Variants in ZC3H12B observed in about 807,000 individuals in gnomAD.
ZC3H12B encodes zinc finger CCCH-type containing 12B, also known as probable ribonuclease ZC3H12B.
ZC3H12B carries 7 observed loss-of-function variants against 43.9 expected under a neutral mutation model. The ratio of observed to expected loss-of-function variants is 0.16; its 90% CI spans 0.09 to 0.30. The LOEUF (loss-of-function observed/expected upper bound fraction) is 0.30, where lower values mean the gene tolerates loss of function less well. Among genes scored for constraint, ZC3H12B ranks in the 10% least tolerant of loss-of-function variants. The pLI is 1.00. For missense variants in ZC3H12B, 475 were observed against 670.2 expected, an observed-to-expected ratio of 0.71 and a Z score of 3.22; for synonymous variants, 222 against 241.7, an observed-to-expected ratio of 0.92 and a Z score of 0.76.
At chrX:65,313,204 A>G in the ZC3H12B span, among the ~76,000 whole-genome samples, 1 of 111,945 alleles carries the variant, frequency 8.9e-6, no homozygotes. Flanking sequence ...TTTAACATGA[A>G]TTTTGAGGGG....
the ZC3H12B span, among the ~76,000 whole-genome samples, chrX:65,311,141 C>T: frequency 8.9e-6 from 1 of 112,017 alleles, no homozygotes; most frequent in African/African-American, 3.2e-5. Flanking sequence ...CCAAAATAGA[C>T]AAGTGGGATC....
the ZC3H12B span, among the ~76,000 whole-genome samples, chrX:65,136,254 C>T: frequency 9.0e-6 from 1 of 111,701 alleles, no homozygotes; most frequent in East Asian, 2.8e-4. Flanking sequence ...AGGTTTCTCA[C>T]TGAGCCTCTG....
At chrX:65,239,940 C>T in the ZC3H12B span, among the ~76,000 whole-genome samples, 1 of 111,375 alleles carries the variant, frequency 9.0e-6, no homozygotes, top group Middle Eastern at 4.2e-3. Context: ...CCACTGAGAG[C>T]TCTGCTGTTA....
chrX:65,311,121 G>A, the ZC3H12B span, among the ~76,000 whole-genome samples: 11,975 of 111,613 alleles, frequency 0.11, 1,520 homozygotes, highest in African/African-American at 0.36. Context: ...AAAAGCAATG[G>A]CAACAAAGGC....
the ZC3H12B span, among the ~76,000 whole-genome samples, chrX:65,273,890 G>A: frequency 8.9e-6 from 1 of 112,517 alleles, no homozygotes; most frequent in Non-Finnish European, 1.9e-5. Flanking sequence ...ACATCTTCAA[G>A]ATGGCTGACT....
intron 3 of ZC3H12B, among the ~76,000 whole-genome samples, chrX:65,454,108 G>A (rs2067566047): frequency 8.9e-6 from 1 of 112,650 alleles, no homozygotes; most frequent in African/African-American, 3.2e-5. Flanking sequence ...TGAGGTACCA[G>A]GTGCATCTCA....
intron 3 of ZC3H12B, among the ~76,000 whole-genome samples, chrX:65,458,486 G>C (rs2067671218): frequency 9.0e-6 from 1 of 111,655 alleles, no homozygotes; most frequent in Non-Finnish European, 1.9e-5. Context: ...AAATCTAAAA[G>C]AACAGGAATC....
chrX:65,454,781 T>A (rs1438158534), intron 3 of ZC3H12B, among the ~76,000 whole-genome samples: 1 of 111,455 alleles, frequency 9.0e-6, no homozygotes, highest in African/African-American at 3.3e-5. Context: ...GAGACAAAAC[T>A]TCCAGAGGAA....
the ZC3H12B span, among the ~76,000 whole-genome samples, chrX:65,163,098 G>A: frequency 1.8e-5 from 2 of 110,986 alleles, no homozygotes; most frequent in Admixed American, 9.6e-5. Flanking sequence ...TGTGAACCGT[G>A]AATGCTGCTG....
At chrX:65,122,579 G>A in the ZC3H12B span, among the ~76,000 whole-genome samples, 18 of 111,282 alleles carry the variant, frequency 1.6e-4, no homozygotes, top group African/African-American at 5.9e-4. Flanking sequence ...AATTAAAAGA[G>A]ACAGACTGGC....
the ZC3H12B span, among the ~76,000 whole-genome samples, chrX:65,311,749 G>A: frequency 9.0e-6 from 1 of 111,695 alleles, no homozygotes; most frequent in Non-Finnish European, 1.9e-5. Context: ...CAACCCAAAT[G>A]TCCATCAATG....
chrX:65,058,528 C>A, the ZC3H12B span, among the ~76,000 whole-genome samples: 3 of 112,071 alleles, frequency 2.7e-5, no homozygotes, highest in Non-Finnish European at 5.6e-5. Context: ...GAGTTAGGGA[C>A]CCACTTGAGG....
At chrX:65,408,589 T>A in intron 3 of ZC3H12B, 1 of 1,153,632 alleles carries the variant, frequency 8.7e-7, no homozygotes, top group Non-Finnish European at 1.2e-6. Flanking sequence ...CACTGTCTAG[T>A]GCTCTGAGTG....
chrX:65,151,667 G>C, the ZC3H12B span, among the ~76,000 whole-genome samples: 15 of 111,452 alleles, frequency 1.3e-4, no homozygotes, highest in African/African-American at 4.9e-4. Context: ...CGAGGGACTT[G>C]TACCATTCCT....
At chrX:65,435,921 C>T (rs2067216668) in intron 3 of ZC3H12B, among the ~76,000 whole-genome samples, 1 of 112,067 alleles carries the variant, frequency 8.9e-6, no homozygotes, top group Non-Finnish European at 1.9e-5. Flanking sequence ...ATGCAGGTCC[C>T]AGAGGCCAAA....
the ZC3H12B span, among the ~76,000 whole-genome samples, chrX:65,216,475 G>A: frequency 2.7e-5 from 3 of 111,462 alleles, no homozygotes; most frequent in Admixed American, 1.9e-4. Flanking sequence ...AGGAATTTGA[G>A]TCCTAATACC....
At chrX:65,232,568 G>T in the ZC3H12B span, among the ~76,000 whole-genome samples, 1 of 111,130 alleles carries the variant, frequency 9.0e-6, no homozygotes, top group East Asian at 2.8e-4. Context: ...CAAGCCTCAT[G>T]GTATTCACAA....
intron 2 of ZC3H12B, among the ~76,000 whole-genome samples, chrX:65,389,164 G>A (rs1342599296): frequency 8.9e-6 from 1 of 112,064 alleles, no homozygotes; most frequent in Non-Finnish European, 1.9e-5. Flanking sequence ...CTTCAAAGCT[G>A]TCAGACAGGG....
At chrX:65,065,441 CT>C in the ZC3H12B span, among the ~76,000 whole-genome samples, 1 of 111,951 alleles carries the variant, frequency 8.9e-6, no homozygotes. Flanking sequence ...GTTGAAAATT[CT>C]TTTCTTCTAG....
Sources: allele counts gnomAD v4.1 joint callset (sites outside exome capture counted in the v4.1 genomes callset), GRCh38; gene constraint gnomAD v4.1.1; transcripts MANE v1.5; gene names NCBI Gene and HGNC (gene_info 2026-07-23, HGNC 2026-07-21).